BOD1L1: variants seen among roughly 807,000 people sequenced by gnomAD.
BOD1L1 encodes the protein biorientation of chromosomes in cell division protein 1-like 1.
BOD1L1 carries 86 observed loss-of-function variants against 240.7 expected under a neutral mutation model. The observed-to-expected ratio is 0.36, with a 90% CI of 0.30 to 0.43. The LOEUF (loss-of-function observed/expected upper bound fraction) is 0.43, where lower values mean the gene tolerates loss of function less well. Ranked by LOEUF, BOD1L1 falls within the 20% of genes least tolerant of loss-of-function variation. The probability of loss-of-function intolerance (pLI) is 1.00; values close to 1 mark genes in which losing one functional copy is unlikely to be tolerated. For missense variants in BOD1L1, 3,554 were observed against 3,643.5 expected, an observed-to-expected ratio of 0.98 and a Z score of 0.63; for synonymous variants, 1,268 against 1,272.3, an observed-to-expected ratio of 1.00 and a Z score of 0.07.
rs776830084 is a variant in BOD1L1 at position 13,615,474 on chromosome 4, G to T, written c.397C>A (p.Arg133=). 4 of 1,608,766 alleles carry T rather than the reference G, an allele frequency of 2.5e-6. No individual in the cohort carries two copies. The South Asian group carries it at 4.4e-5, about 18-fold the overall frequency. The change falls in exon 3 of 26, where the codon CGA becomes AGA. Residue 133 remains arginine (R), a synonymous_variant. Coordinates refer to ENST00000040738, the MANE Select transcript of BOD1L1 (RefSeq NM_148894.3). ...GGGTCCACAACCTGAGAAATAATTC[G>T]GTCAATACCAGACTCCAACATTCCT... is the stretch of plus-strand genomic sequence containing the variant. ...KSGMLESGID[R]IISQVVDPKI...
rs748369911 is a variant in BOD1L1, at chr4:13,581,056, T to TA, written c.8669-3dup. 14,896 of 1,059,952 alleles carry TA rather than the reference T, an allele frequency of 0.014. No homozygotes were observed. The highest frequency in any genetic ancestry group is 0.017 in the Admixed American group (695 of 40,688). The allele number at this position is 1,059,952 out of a possible 1,614,324, so 65.7% of individuals were successfully genotyped here. ...CAGTATCTGTTTTGGAGTCGTCTTCTAAAAAAAAAAAATTCACTTAGAAAA... is the reference window on the plus strand; with the variant it reads ...CAGTATCTGTTTTGGAGTCGTCTTCTAAAAAAAAAAAAATTCACTTAGAAAA... On this transcript the variant is annotated splice_polypyrimidine_tract_variant and splice_region_variant and intron_variant, in intron 20 of 25. Coordinates refer to ENST00000040738, the MANE Select transcript of BOD1L1 (RefSeq NM_148894.3).
At chr4:13,587,803 T>G in intron 15 of BOD1L1, 32 bp from the exon 16 acceptor site, 1 of 1,405,108 alleles carries the variant, frequency 7.1e-7, no homozygotes, top group Non-Finnish European at 9.9e-7. Context: ...TCAAAGGCCA[T>G]AGAATCTTGA....
Position 13,576,833 on chromosome 4 carries a change from A to T in BOD1L1, c.9038+5T>A, listed in dbSNP as rs1170668097. 6.2e-7 allele frequency: 1 copy of T among 1,612,746 alleles called. No individual in the cohort carries two copies. Among genetic ancestry groups the T allele is most frequent in the Non-Finnish European group, 8.5e-7 (1 of 1,179,512 alleles). On this transcript the variant is annotated splice_donor_5th_base_variant and intron_variant, in intron 25 of 25. Transcript: ENST00000040738. ...TCTCTGGCAGCTCTGTGCTGCCCCC[A>T]TTACCTCTGAGCCTCTGATCTGGTG...
At position 13,627,702 on chromosome 4, in the gene BOD1L1, C is replaced by T; in HGVS notation, c.-115G>A. On this transcript the variant is annotated 5_prime_UTR_variant, in exon 1 of 26. Transcript: ENST00000040738. The stretch of plus-strand genomic sequence containing the variant: ...CAACGGGATGTTGTTACGGAACCAG[C>T]GGATCCAGAGCAACCCCGGAAGTGA... The T allele has an allele frequency of 1.1e-6, 1 of 928,394 alleles. No homozygotes were observed. Among genetic ancestry groups the T allele is most frequent in the Non-Finnish European group, 1.3e-6 (1 of 773,068 alleles). 57.5% of individuals were successfully genotyped at this position (928,394 alleles called of 1,614,324 possible). A position where few individuals can be genotyped will look rare whatever the true frequency, so the allele number is the denominator to read the frequency against.
rs751656901 is a variant in BOD1L1 at position 13,603,304 on chromosome 4, T to C, written c.3596A>G (p.His1199Arg). ...VNSNSEKHAD[H>R]RSTLTKKMHI... ...CATTTTCTTGGTCAAGGTGCTTCTATGATCGGCATGCTTTTCAGAATTACT... is the reference window on the plus strand; with the variant it reads ...CATTTTCTTGGTCAAGGTGCTTCTACGATCGGCATGCTTTTCAGAATTACT... Residue 1199 changes from histidine to arginine, a missense_variant, in exon 10 of 26, where the codon CAT (histidine) becomes CGT (arginine). Coordinates refer to ENST00000040738, the MANE Select transcript of BOD1L1 (RefSeq NM_148894.3). The C allele has an allele frequency of 1.1e-5, 18 of 1,613,924 alleles. No individual in the cohort carries two copies. The highest frequency in any genetic ancestry group is 1.4e-5 in the Non-Finnish European group (17 of 1,179,916).
chr4:13,573,428 C>A (rs550070829), intron 25 of BOD1L1, among the ~76,000 whole-genome samples: 1 of 110,516 alleles, frequency 9.0e-6, no homozygotes, highest in South Asian at 4.0e-4. Flanking sequence ...ATCTGTCTGT[C>A]TGTCTGTCTG....
Position 13,587,687 on chromosome 4 carries a change from A to G in BOD1L1, c.8353+12T>C. 6.6e-7 allele frequency: 1 copy of G among 1,524,676 alleles called. No homozygotes were observed. The highest frequency in any genetic ancestry group is 8.9e-7 in the Non-Finnish European group (1 of 1,122,910). The allele number at this position is 1,524,676 out of a possible 1,614,324, so 94.4% of individuals were successfully genotyped here. A position where few individuals can be genotyped will look rare whatever the true frequency, so the allele number is the denominator to read the frequency against. ...TCAAAGATGTCTAAAACAGAAACAT[A>G]AATATAAATACCTGGTTCATCTTCT... On this transcript the variant is annotated intron_variant, in intron 16 of 25. Transcript: ENST00000040738.
In BOD1L1 at chr4:13,599,916, G is replaced by C. The variant is rs151166044; in HGVS notation, c.6984C>G (p.Ala2328=). ...ATTCTGCTGTGCTGGTGGAGATGAT[G>C]GCAGCATCGCTCAAGTCTTCTACTC... ...ITRVEDLSDA[A]IISTSTAECM... Residue 2328 remains alanine, a synonymous_variant, in exon 10 of 26, where the codon GCC becomes GCG. Coordinates refer to ENST00000040738, the MANE Select transcript of BOD1L1 (RefSeq NM_148894.3). 7 of 1,613,758 alleles carry C rather than the reference G, an allele frequency of 4.3e-6. No individual in the cohort carries two copies. In the Admixed American group the frequency reaches 1.2e-4, roughly 27 times the overall value.
intron 13 of BOD1L1, among the ~76,000 whole-genome samples, chr4:13,591,067 TA>T (rs35497916): frequency 6.0e-4 from 91 of 151,098 alleles, no homozygotes; most frequent in African/African-American, 1.4e-3. Context: ...TGTATTTTAT[TA>T]AAAAAAAAAT....
chr4:13,587,896 G>C (rs913627531), intron 15 of BOD1L1, 125 bp from the exon 16 acceptor site: 5 of 663,710 alleles, frequency 7.5e-6, no homozygotes, highest in African/African-American at 1.8e-5. Flanking sequence ...TAAAAATCTA[G>C]AACACTTGGC....
chr4:13,612,252 T>G (rs1716229648), intron 5 of BOD1L1, among the ~76,000 whole-genome samples: 2 of 152,340 alleles, frequency 1.3e-5, no homozygotes, highest in South Asian at 2.1e-4. Context: ...CTCTATGATT[T>G]TCTCTCTAGG....
At chr4:13,626,336 A>AAAAAAAAAAAAAAAAAAAAAAAAAAC (rs1717393026) in intron 1 of BOD1L1, 1 of 155,262 alleles carries the variant, frequency 6.4e-6, no homozygotes. Flanking sequence ...AAAAAAAAAA[A>AAAAAAAAAAAAAAAAAAAAAAAAAAC]AAAAAAAGGA....
Position 13,614,455 on chromosome 4 carries a change from C to G in BOD1L1, c.915G>C (p.Lys305Asn), listed in dbSNP as rs1471018174. 6.2e-7 allele frequency: 1 copy of G among 1,612,364 alleles called. No individual in the cohort carries two copies. Among genetic ancestry groups the G allele is most frequent in the Non-Finnish European group, 8.5e-7 (1 of 1,179,282 alleles). ...KEHNNLILLN[K>N]DVQQESSEQK... ...GCTCACTGCTTTCCTGTTGAACATC[C>G]TTATTTAGCAGAATTAAATTATTAT... The change falls in exon 4 of 26, where the codon AAG becomes AAC. Residue 305 changes from lysine (K) to asparagine (N), a missense_variant. By Grantham distance (94) the Lys-to-Asn change is moderately conservative. Transcript: ENST00000040738.
At chr4:13,592,702 T>G (rs972959421) in intron 12 of BOD1L1, 1 of 152,224 alleles carries the variant, frequency 6.6e-6, no homozygotes, top group African/African-American at 2.4e-5. Context: ...TATAAATGAC[T>G]TACCAAGTCT....
intron 25 of BOD1L1, chr4:13,572,875 T>G (rs538465604): frequency 7.8e-6 from 10 of 1,287,106 alleles, no homozygotes; most frequent in Non-Finnish European, 1.0e-5. Context: ...TGGGCAATGG[T>G]AGCACTGAAT....
Position 13,600,461 on chromosome 4 carries a change from T to C in BOD1L1, c.6439A>G (p.Ser2147Gly). The C allele has an allele frequency of 1.2e-6, 2 of 1,613,990 alleles. No individual in the cohort carries two copies. The highest frequency in any genetic ancestry group is 1.7e-6 in the Non-Finnish European group (2 of 1,179,902). Residue 2147 changes from serine to glycine, a missense_variant, in exon 10 of 26, where the codon AGC becomes GGC. By Grantham distance (56) the Ser-to-Gly change is moderately conservative. This residue lies in a region of BOD1L1 where 3,393 missense variants were observed against 3,427.1 expected (regional missense o/e 0.99). Transcript: ENST00000040738. ...EKDECAMIST[S>G]IGEEFELPIS... is the part of the protein sequence containing the mutation. Reference sequence around the variant, plus strand: ...GGCAATTCGAATTCTTCCCCTATGCTTGTGGAAATCATGGCACACTCATCT... The same window carrying C: ...GGCAATTCGAATTCTTCCCCTATGCCTGTGGAAATCATGGCACACTCATCT...
At chr4:13,623,899 T>G (rs1717206994) in intron 1 of BOD1L1, 1 of 152,166 alleles carries the variant, frequency 6.6e-6, no homozygotes, top group South Asian at 2.1e-4. Context: ...AACTCAAGGA[T>G]TCCATTAAAG....
In BOD1L1 at chr4:13,603,544, G is replaced by A; in HGVS notation, c.3356C>T (p.Pro1119Leu). The A allele has an allele frequency of 6.2e-7, 1 of 1,613,940 alleles. No homozygotes were observed. Among genetic ancestry groups the A allele is most frequent in the East Asian group, 2.2e-5 (1 of 44,882 alleles). Residue 1119 changes from proline to leucine, a missense_variant, in exon 10 of 26, where the codon CCA becomes CTA. Physicochemically the swap from Pro to Leu is moderately conservative, Grantham distance 98 (BLOSUM62 -3). Around this residue, in one of 2 missense-constraint regions of BOD1L1, gnomAD observed 3,393 missense variants for 3,427.1 expected, o/e 0.99. Transcript: ENST00000040738. The stretch of plus-strand genomic sequence containing the variant: ...ACCTGGCTCAGAATCAATTTCCATT[G>A]GCTCTTGTTCAGGGATCAATGTCAT... The part of the protein sequence containing the change: ...GDMTLIPEQE[P>L]MEIDSEPGVE...
rs538345647 is a variant in BOD1L1 at position 13,594,629 on chromosome 4, G to A, written c.8104+1231C>T. ...TGGCCGAGCGCAGTGGCTTTCAGTG[G>A]CTCATGCATGTAACCTCAGCACTTT... On this transcript the variant is annotated intron_variant, in intron 12 of 25. Transcript: ENST00000040738. Among the ~76,000 whole-genome samples, 3 of 152,308 alleles carry A rather than the reference G, an allele frequency of 2.0e-5. No homozygotes were observed. The East Asian group carries it at 5.8e-4, about 29-fold the overall frequency.
Sources: gnomAD v4.1 joint callset for allele counts (sites outside exome capture counted in the v4.1 genomes callset) on GRCh38, gnomAD v4.1.1 for gene constraint, gnomAD v4.1.1 regional missense constraint, MANE v1.5 for transcripts, NCBI Gene and HGNC (gene_info 2026-07-23, HGNC 2026-07-21) for gene names.